Variants in MDGA2 observed in about 807,000 individuals in gnomAD.
MDGA2 encodes MAM domain containing glycosylphosphatidylinositol anchor 2.
In MDGA2, 40 loss-of-function variants were observed where a neutral mutation model predicts 117.8. The ratio of observed to expected loss-of-function variants is 0.34; its 90% confidence interval spans 0.26 to 0.44. The LOEUF (loss-of-function observed/expected upper bound fraction) is 0.44. Among genes scored for constraint, MDGA2 ranks in the 20% least tolerant of loss-of-function variants. The pLI, the probability that MDGA2 is intolerant of heterozygous loss-of-function variation, is 1.00. For missense variants in MDGA2, 1,123 were observed against 1,250.6 expected (o/e 0.90, Z 1.54); for synonymous variants, 452 against 439.0 (o/e 1.03, Z -0.37).
At chr14:47,262,443 G>A (rs996990657) in intron 2 of MDGA2, among the ~76,000 whole-genome samples, 1 of 152,088 alleles carries the variant, frequency 6.6e-6, no homozygotes. Context: ...TTAGATCAGC[G>A]ACTGACACAA....
intron 9 of MDGA2, among the ~76,000 whole-genome samples, chr14:46,950,110 A>G (rs1192528313): frequency 2.0e-5 from 3 of 152,018 alleles, no homozygotes; most frequent in Admixed American, 6.6e-5. Flanking sequence ...GAGAAAAATA[A>G]CTGTTTAAAA....
At chr14:47,183,704 T>C (rs1273651653) in intron 3 of MDGA2, among the ~76,000 whole-genome samples, 1 of 152,084 alleles carries the variant, frequency 6.6e-6, no homozygotes, top group Non-Finnish European at 1.5e-5. Flanking sequence ...TACATATGCA[T>C]AGCAAATCTC....
At chr14:47,019,826 G>C (rs1476484074) in intron 8 of MDGA2, among the ~76,000 whole-genome samples, 1 of 145,182 alleles carries the variant, frequency 6.9e-6, no homozygotes, top group Non-Finnish European at 1.5e-5. Flanking sequence ...GCGACAGAGC[G>C]AGAGTCCGTC....
chr14:47,123,019 G>C (rs1044528785), intron 5 of MDGA2, among the ~76,000 whole-genome samples: 14 of 151,848 alleles, frequency 9.2e-5, no homozygotes, highest in Admixed American at 5.9e-4. Context: ...TTTAAAGTTA[G>C]AAAAATATAA....
intron 9 of MDGA2, 76 bp downstream of exon 9, chr14:46,957,295 ATTC>A: frequency 2.2e-6 from 3 of 1,372,414 alleles, no homozygotes; most frequent in Non-Finnish European, 3.0e-6. Context: ...AAATGTTTTC[ATTC>A]TTATATTGAC....
intron 14 of MDGA2, among the ~76,000 whole-genome samples, chr14:46,867,082 C>T (rs1174643397): frequency 3.3e-5 from 5 of 152,092 alleles, no homozygotes; most frequent in East Asian, 1.9e-4. Flanking sequence ...GCTATAAAGA[C>T]GCATGCACAT....
At chr14:47,355,112 T>C (rs985762196) in intron 1 of MDGA2, among the ~76,000 whole-genome samples, 1 of 152,190 alleles carries the variant, frequency 6.6e-6, no homozygotes, top group Admixed American at 6.5e-5. Flanking sequence ...GTGGGGAGCA[T>C]GCAGGGCTGC....
chr14:47,653,799 A>G (rs1897690285), intron 1 of MDGA2, among the ~76,000 whole-genome samples: 2 of 152,154 alleles, frequency 1.3e-5, no homozygotes, highest in Admixed American at 6.6e-5. Flanking sequence ...GAAGAAAGGC[A>G]CAGAGAGATG....
At chr14:47,574,265 T>A (rs886728597) in intron 1 of MDGA2, among the ~76,000 whole-genome samples, 6 of 152,170 alleles carry the variant, frequency 3.9e-5, no homozygotes, top group African/African-American at 1.4e-4. Context: ...AAAGGTACTT[T>A]ACTACTCCTT....
chr14:46,842,744 C>T (rs892791333), intron 16 of MDGA2, among the ~76,000 whole-genome samples: 2 of 152,056 alleles, frequency 1.3e-5, no homozygotes, highest in Non-Finnish European at 2.9e-5. Flanking sequence ...TGCAAAGTGG[C>T]TTGTATCTAG....
chr14:47,150,800 T>C (rs1883132035), intron 3 of MDGA2, among the ~76,000 whole-genome samples: 1 of 151,924 alleles, frequency 6.6e-6, no homozygotes, highest in Non-Finnish European at 1.5e-5. Flanking sequence ...GGTGCATGCC[T>C]GTAATCCCAG....
At chr14:46,981,130 G>A (rs892286663) in intron 8 of MDGA2, among the ~76,000 whole-genome samples, 3 of 151,318 alleles carry the variant, frequency 2.0e-5, no homozygotes, top group Admixed American at 6.6e-5. Context: ...TGGGCCTGGC[G>A]CGGTGGCTCA....
At chr14:47,467,050 T>C (rs912292454) in intron 1 of MDGA2, among the ~76,000 whole-genome samples, 4 of 152,058 alleles carry the variant, frequency 2.6e-5, no homozygotes, top group Non-Finnish European at 5.9e-5. Context: ...AGGAAGATAG[T>C]GAAGGTGCCA....
At chr14:47,571,725 C>T (rs981375733) in intron 1 of MDGA2, among the ~76,000 whole-genome samples, 6 of 121,576 alleles carry the variant, frequency 4.9e-5, no homozygotes, top group East Asian at 2.6e-4. Context: ...GGACATAAGG[C>T]GGGGAACATC....
At chr14:47,208,929 T>C (rs1162820567) in intron 3 of MDGA2, among the ~76,000 whole-genome samples, 1 of 149,728 alleles carries the variant, frequency 6.7e-6, no homozygotes, top group Non-Finnish European at 1.5e-5. Flanking sequence ...TCTATCTTTA[T>C]GAAAAACACT....
intron 1 of MDGA2, among the ~76,000 whole-genome samples, chr14:47,437,467 T>C (rs1483491841): frequency 1.3e-5 from 2 of 152,172 alleles, no homozygotes; most frequent in Admixed American, 1.3e-4. Context: ...ATGTTGCAAC[T>C]CTGGAAAGAT....
intron 2 of MDGA2, among the ~76,000 whole-genome samples, chr14:47,236,336 T>A (rs1216781810): frequency 7.4e-6 from 1 of 135,354 alleles, no homozygotes; most frequent in Non-Finnish European, 1.6e-5. Flanking sequence ...GAGGCAAGAG[T>A]GTTATTACAA....
At chr14:47,098,323 G>GAAAGACAT (rs1264713622) in intron 5 of MDGA2, among the ~76,000 whole-genome samples, 3 of 150,294 alleles carry the variant, frequency 2.0e-5, no homozygotes, top group Non-Finnish European at 4.4e-5. Context: ...AGTTCTATGG[G>GAAAGACAT]AAAGACATGA....
At chr14:47,385,616 G>A (rs1039433787) in intron 1 of MDGA2, among the ~76,000 whole-genome samples, 1 of 152,074 alleles carries the variant, frequency 6.6e-6, no homozygotes, top group Non-Finnish European at 1.5e-5. Flanking sequence ...CAGAAGAAAG[G>A]TGAGTGAGCA....
Sources: gnomAD v4.1 joint callset for allele counts (sites outside exome capture counted in the v4.1 genomes callset) on GRCh38, gnomAD v4.1.1 for gene constraint, MANE v1.5 for transcripts, NCBI Gene and HGNC (gene_info 2026-07-23, HGNC 2026-07-21) for gene names.